Variants in GPBP1L1 observed in about 807,000 individuals in gnomAD.
GPBP1L1 encodes vasculin-like protein 1.
Under a neutral mutation model 52.5 loss-of-function variants are expected in GPBP1L1, and 23 were observed. That is an observed-to-expected ratio of 0.44 (90% CI 0.32 to 0.62). The LOEUF (loss-of-function observed/expected upper bound fraction) is 0.62, where lower values mean the gene tolerates loss of function less well. Ranked by LOEUF, GPBP1L1 falls within the 20% of genes least tolerant of loss-of-function variation. The pLI is 0.06. For missense variants in GPBP1L1, 596 were observed against 579.3 expected (o/e 1.03, Z -0.30); for synonymous variants, 243 against 203.1 (o/e 1.20, Z -1.67).
At chr1:45,640,552 C>T (rs1644659111) in intron 7 of GPBP1L1, 149 bp from the exon 8 acceptor site, 1 of 653,802 alleles carries the variant, frequency 1.5e-6, no homozygotes, top group Non-Finnish European at 2.7e-6. Flanking sequence ...AATAGATACT[C>T]TCAAAAGTGA....
At position 45,646,555 on chromosome 1, in the gene GPBP1L1, T is replaced by A. The variant is rs921650242; in HGVS notation, c.478-4056A>T. 3.3e-5 allele frequency among the ~76,000 whole-genome samples: 5 copies of A among 152,138 alleles called. No individual in the cohort carries two copies. The East Asian group carries it at 9.7e-4, about 29-fold the overall frequency. ...GAAAAATGTTCCTGAATTATACTTT[T>A]CAGTATTTTTTTTTTTTTTGAGACG... On this transcript the variant is annotated intron_variant, in intron 6 of 12. Transcript: ENST00000355105.
At chr1:45,673,359 TAC>T (rs1258903427) in intron 2 of GPBP1L1, among the ~76,000 whole-genome samples, 2 of 152,172 alleles carry the variant, frequency 1.3e-5, no homozygotes, top group Non-Finnish European at 2.9e-5. Context: ...AAGAATGAAC[TAC>T]AGAGATACAG....
At chr1:45,664,712 G>A (rs954061622) in intron 2 of GPBP1L1, among the ~76,000 whole-genome samples, 11 of 151,862 alleles carry the variant, frequency 7.2e-5, no homozygotes, top group African/African-American at 1.2e-4. Flanking sequence ...GTCTTACTTC[G>A]TGACCCTGGC....
chr1:45,676,273 A>AT (rs1370890689), intron 2 of GPBP1L1, among the ~76,000 whole-genome samples: 2 of 152,088 alleles, frequency 1.3e-5, no homozygotes, highest in Non-Finnish European at 2.9e-5. Flanking sequence ...ATACCTTAAG[A>AT]TTTTTTTTCC....
At chr1:45,680,559 A>C (rs569417225) in intron 2 of GPBP1L1, among the ~76,000 whole-genome samples, 1 of 151,360 alleles carries the variant, frequency 6.6e-6, no homozygotes, top group Non-Finnish European at 1.5e-5. Flanking sequence ...TTTTTTTTTT[A>C]AAAAGAATCA....
chr1:45,674,656 G>T (rs1446429843), intron 2 of GPBP1L1, among the ~76,000 whole-genome samples: 1 of 152,202 alleles, frequency 6.6e-6, no homozygotes, highest in Non-Finnish European at 1.5e-5. Flanking sequence ...GCTGGGCAGT[G>T]CCAGCAAGCC....
At chr1:45,662,075 A>G (rs915331957) in intron 2 of GPBP1L1, among the ~76,000 whole-genome samples, 2 of 152,226 alleles carry the variant, frequency 1.3e-5, no homozygotes, top group Non-Finnish European at 2.9e-5. Flanking sequence ...TTTATAATCT[A>G]ACTTGTTAGG....
At chr1:45,644,296 GTTGTA>G (rs1644712340) in intron 6 of GPBP1L1, among the ~76,000 whole-genome samples, 1 of 152,192 alleles carries the variant, frequency 6.6e-6, no homozygotes, top group South Asian at 2.1e-4. Flanking sequence ...TAATAGGCAT[GTTGTA>G]CCCAGGGTTC....
intron 7 of GPBP1L1, chr1:45,641,571 C>T (rs12025613): frequency 0.28 from 42,988 of 151,894 alleles, 6,212 homozygotes; most frequent in South Asian, 0.36. Context: ...GTAATCTCAG[C>T]ACTTTGAGAG....
At chr1:45,685,481 A>C (rs1196463035) in intron 2 of GPBP1L1, 95 bp downstream of exon 2, 1 of 152,190 alleles carries the variant, frequency 6.6e-6, no homozygotes, top group Non-Finnish European at 1.5e-5. Context: ...CCACAGCACA[A>C]TTTCAAAACT....
At chr1:45,638,881 A>C (rs1412547707) in intron 8 of GPBP1L1, among the ~76,000 whole-genome samples, 1 of 152,242 alleles carries the variant, frequency 6.6e-6, no homozygotes, top group Non-Finnish European at 1.5e-5. Flanking sequence ...AGGGGCAATA[A>C]GATGCAAAAG....
intron 2 of GPBP1L1, among the ~76,000 whole-genome samples, chr1:45,683,498 C>A (rs150964893): frequency 6.6e-6 from 1 of 150,716 alleles, no homozygotes; most frequent in Non-Finnish European, 1.5e-5. Context: ...AGCCACCGCG[C>A]CCGGCCTGAA....
chr1:45,673,018 G>C (rs890529078), intron 2 of GPBP1L1, among the ~76,000 whole-genome samples: 14 of 152,172 alleles, frequency 9.2e-5, no homozygotes, highest in Non-Finnish European at 4.4e-5. Flanking sequence ...GCTAAAAGGG[G>C]ATGTGTGGTC....
chr1:45,655,479 A>C, intron 4 of GPBP1L1, 160 bp from the exon 5 acceptor site: 1 of 696,154 alleles, frequency 1.4e-6, no homozygotes, highest in Non-Finnish European at 2.4e-6. Context: ...CAGGTGCCTA[A>C]TTTAGAGAAG....
At chr1:45,643,968 G>A (rs746617690) in intron 6 of GPBP1L1, among the ~76,000 whole-genome samples, 2 of 152,024 alleles carry the variant, frequency 1.3e-5, no homozygotes, top group African/African-American at 2.4e-5. Context: ...TGCCCAGCAG[G>A]AAAATGGCTT....
Position 45,659,742 on chromosome 1 carries a change from C to A in GPBP1L1, c.-56+442G>T, listed in dbSNP as rs117158743. Reference sequence around the variant, plus strand: ...ATCGCTTGAGCCCAGCAGTTCGAGACCAGTCTGGGCAACATGGCAAAACCT... The same window carrying A: ...ATCGCTTGAGCCCAGCAGTTCGAGAACAGTCTGGGCAACATGGCAAAACCT... On this transcript the variant is annotated intron_variant, in intron 3 of 12. Coordinates refer to ENST00000355105, the MANE Select transcript of GPBP1L1 (RefSeq NM_021639.5). Among the ~76,000 whole-genome samples, 459 of 152,236 alleles carry A rather than the reference C, an allele frequency of 3.0e-3. 3 individuals are homozygous for A. Among genetic ancestry groups the A allele is most frequent in the East Asian group, 0.022 (115 of 5,184 alleles).
At chr1:45,683,406 A>C (rs1645236360) in intron 2 of GPBP1L1, among the ~76,000 whole-genome samples, 1 of 150,112 alleles carries the variant, frequency 6.7e-6, no homozygotes, top group South Asian at 2.1e-4. Context: ...GGGGTTTCAC[A>C]GTGTTAGCCA....
Position 45,630,601 on chromosome 1 carries a change from C to T in GPBP1L1, c.1050G>A (p.Glu350=). 6.2e-7 allele frequency: 1 copy of T among 1,613,902 alleles called. No individual in the cohort carries two copies. Residue 350 remains glutamate, a synonymous_variant, in exon 11 of 13, where the codon GAG becomes GAA. Coordinates refer to ENST00000355105, the MANE Select transcript of GPBP1L1 (RefSeq NM_021639.5). The part of the protein sequence containing the change: ...NRDCDKLEDL[E]DNSTPEPKEN... The stretch of plus-strand genomic sequence containing the variant: ...CCTTTGGTTCAGGTGTGCTGTTGTC[C>T]TCCAACTGCAATAAGGAAAAGGAAG...
intron 6 of GPBP1L1, among the ~76,000 whole-genome samples, chr1:45,652,463 A>C (rs1644829936): frequency 6.6e-6 from 1 of 152,206 alleles, no homozygotes; most frequent in Admixed American, 6.5e-5. Context: ...AATTACTTCT[A>C]CTTTACTCCA....
Sources: allele counts gnomAD v4.1 joint callset (sites outside exome capture counted in the v4.1 genomes callset), GRCh38; gene constraint gnomAD v4.1.1; transcripts MANE v1.5; gene names NCBI Gene and HGNC (gene_info 2026-07-23, HGNC 2026-07-21).